CYSLTR2: variants seen among roughly 807,000 people sequenced by gnomAD.
CYSLTR2 encodes the protein G-protein coupled receptor GPCR21.
For synonymous variants in CYSLTR2, 179 were observed against 160.8 expected (o/e 1.11, Z -0.86); for missense variants, 398 against 411.9 (o/e 0.97, Z 0.29).
At chr13:48,692,423 G>A (rs756556525) in intron 2 of CYSLTR2, among the ~76,000 whole-genome samples, 1 of 151,674 alleles carries the variant, frequency 6.6e-6, no homozygotes, top group Non-Finnish European at 1.5e-5. Context: ...ACATTCTACA[G>A]TACAGAATTT....
chr13:48,696,435 A>C (rs1458115089), intron 3 of CYSLTR2, 91 bp from the exon 4 acceptor site: 1 of 152,002 alleles, frequency 6.6e-6, no homozygotes, highest in Non-Finnish European at 1.5e-5. Flanking sequence ...TCTTTTATGG[A>C]TCATGTTTTT....
intron 1 of CYSLTR2, among the ~76,000 whole-genome samples, chr13:48,679,343 C>T (rs930371733): frequency 8.5e-5 from 13 of 152,124 alleles, no homozygotes; most frequent in African/African-American, 3.1e-4. Flanking sequence ...AGAGCTTTGT[C>T]CTGTTGACTT....
chr13:48,664,479 T>G lies in CYSLTR2; in HGVS notation c.-266+10462T>G, dbSNP rs139305514. 6.5e-3 allele frequency among the ~76,000 whole-genome samples: 992 copies of G among 152,152 alleles called. 18 individuals carry two copies. Among genetic ancestry groups the G allele is most frequent in the African/African-American group, 0.022 (927 of 41,548 alleles). The stretch of plus-strand genomic sequence containing the variant: ...TCTGGTGTTTCTTTTTGGGAGACTC[T>G]TTATTACTGATTCAATCTTATTATA... On this transcript the variant is annotated intron_variant, in intron 1 of 4. Transcript: ENST00000682523.
intron 1 of CYSLTR2, among the ~76,000 whole-genome samples, chr13:48,657,033 C>T (rs1279693682): frequency 6.6e-6 from 1 of 152,220 alleles, no homozygotes; most frequent in East Asian, 1.9e-4. Flanking sequence ...GACCAAGACT[C>T]TGACATTGGA....
intron 1 of CYSLTR2, among the ~76,000 whole-genome samples, chr13:48,670,844 A>T (rs1953407621): frequency 6.6e-6 from 1 of 152,220 alleles, no homozygotes; most frequent in African/African-American, 2.4e-5. Context: ...TGGGGATAGC[A>T]TTGAATCTAT....
At chr13:48,704,495 C>T (rs181793442) in intron 4 of CYSLTR2, among the ~76,000 whole-genome samples, 102 of 150,984 alleles carry the variant, frequency 6.8e-4, no homozygotes, top group African/African-American at 2.4e-3. Context: ...CTGCTCTTTA[C>T]TATCTCCTTC....
intron 1 of CYSLTR2, among the ~76,000 whole-genome samples, chr13:48,656,792 G>T (rs758702252): frequency 7.2e-5 from 11 of 152,188 alleles, no homozygotes; most frequent in Non-Finnish European, 1.2e-4. Context: ...AAGCCTTTAA[G>T]ATAAAAGCCT....
chr13:48,654,278 TG>T (rs1566076239), intron 1 of CYSLTR2, among the ~76,000 whole-genome samples: 1 of 112,192 alleles, frequency 8.9e-6, no homozygotes, highest in African/African-American at 5.0e-5. Flanking sequence ...TGTGTGTGTG[TG>T]TGTGTGTGTG....
intron 1 of CYSLTR2, among the ~76,000 whole-genome samples, chr13:48,673,433 C>CTTTTTTTTTT (rs61699943): frequency 6.6e-4 from 32 of 48,316 alleles, no homozygotes; most frequent in South Asian, 1.4e-3. Flanking sequence ...GTAACCCCGG[C>CTTTTTTTTTT]TTTTTTTTTT....
chr13:48,662,950 A>G (rs1953166420), intron 1 of CYSLTR2, among the ~76,000 whole-genome samples: 1 of 152,066 alleles, frequency 6.6e-6, no homozygotes, highest in African/African-American at 2.4e-5. Context: ...TGTGTGTCCC[A>G]TGTTTCCTTC....
intron 4 of CYSLTR2, among the ~76,000 whole-genome samples, chr13:48,699,587 C>G (rs1053874113): frequency 6.6e-6 from 1 of 151,820 alleles, no homozygotes; most frequent in African/African-American, 2.4e-5. Context: ...AAATTTACAC[C>G]CTAACATCAC....
At chr13:48,659,424 C>T (rs79144973) in intron 1 of CYSLTR2, among the ~76,000 whole-genome samples, 6,057 of 152,270 alleles carry the variant, frequency 0.04, 185 homozygotes, top group Non-Finnish European at 0.062. Context: ...AGAGGTTTTC[C>T]ATGATATCGC....
Position 48,708,390 on chromosome 13 carries a change from A to G in CYSLTR2, c.*532A>G. 1 of 167,390 alleles carries G rather than the reference A, an allele frequency of 6.0e-6. No homozygotes were observed. The highest frequency in any genetic ancestry group is 1.5e-5 in the Non-Finnish European group (1 of 68,360). The allele number at this position is 167,390 out of a possible 1,614,324, so 10.4% of individuals were successfully genotyped here. A position where few individuals can be genotyped will look rare whatever the true frequency, so the allele number is the denominator to read the frequency against. ...TCCCAAGTAAGGACAGTGAGAGAAA[A>G]GGGGGAGAAGGATTGGAGCAAAAGA... On this transcript the variant is annotated 3_prime_UTR_variant, in exon 5 of 5. Transcript: ENST00000682523.
At position 48,671,581 on chromosome 13, in the gene CYSLTR2, A is replaced by T. The variant is rs1953432161; in HGVS notation, c.-266+17564A>T. Among the ~76,000 whole-genome samples, 4 of 152,150 alleles carry T rather than the reference A, an allele frequency of 2.6e-5. No homozygotes were observed. In the South Asian group the frequency reaches 8.3e-4, roughly 32 times the overall value. ...TCTGTTTATGTGATGAATTATGTTT[A>T]TTGATTTGCGTATGTTGAACCAGCC... On this transcript the variant is annotated intron_variant, in intron 1 of 4. Coordinates refer to ENST00000682523, the MANE Select transcript of CYSLTR2 (RefSeq NM_001308476.3).
At chr13:48,659,048 G>A (rs990046545) in intron 1 of CYSLTR2, among the ~76,000 whole-genome samples, 7 of 152,090 alleles carry the variant, frequency 4.6e-5, no homozygotes, top group African/African-American at 1.7e-4. Context: ...CCGGTCTTGA[G>A]CTGACCACTG....
chr13:48,695,714 C>G (rs1347563964), intron 3 of CYSLTR2, among the ~76,000 whole-genome samples: 2 of 152,160 alleles, frequency 1.3e-5, no homozygotes, highest in East Asian at 3.8e-4. Context: ...GCATAGCTCC[C>G]TAGAGATTTA....
intron 1 of CYSLTR2, among the ~76,000 whole-genome samples, chr13:48,669,463 T>G (rs1382739016): frequency 6.6e-6 from 1 of 152,032 alleles, no homozygotes; most frequent in Non-Finnish European, 1.5e-5. Context: ...GTGTGTGATG[T>G]TCCCCTCCCT....
chr13:48,693,559 G>A (rs1594002588), intron 3 of CYSLTR2, 49 bp downstream of exon 3: 1 of 151,724 alleles, frequency 6.6e-6, no homozygotes, highest in East Asian at 1.9e-4. Context: ...AGAGAGGAGG[G>A]GGAATAGAGG....
intron 1 of CYSLTR2, among the ~76,000 whole-genome samples, chr13:48,661,295 TAA>T (rs1441411979): frequency 6.6e-6 from 1 of 151,968 alleles, no homozygotes; most frequent in African/African-American, 2.4e-5. Context: ...CCGAGGGAGA[TAA>T]AGTCATTTTC....
Sources: gnomAD v4.1 joint callset for allele counts (sites outside exome capture counted in the v4.1 genomes callset) on GRCh38, gnomAD v4.1.1 for gene constraint, MANE v1.5 for transcripts, NCBI Gene and HGNC (gene_info 2026-07-23, HGNC 2026-07-21) for gene names.